The following ATRNL1 variants were observed in gnomAD, a reference collection of about 807,000 sequenced individuals.
ATRNL1 encodes attractin like 1, also known as attractin-like protein 1.
A neutral mutation model predicts 182.7 loss-of-function variants in ATRNL1; 95 were observed. That is an observed-to-expected ratio of 0.52 (90% CI 0.44 to 0.62). ATRNL1 has a LOEUF of 0.62. ATRNL1 is among the 20% of genes least tolerant of loss of function. ATRNL1 has a pLI of 0.00. For missense variants in ATRNL1, 1,471 were observed against 1,679.5 expected, an observed-to-expected ratio of 0.88 and a Z score of 2.17; for synonymous variants, 576 against 568.3, an observed-to-expected ratio of 1.01 and a Z score of -0.19.
At chr10:115,257,306 G>A (rs529572181) in intron 10 of ATRNL1, among the ~76,000 whole-genome samples, 3 of 152,170 alleles carry the variant, frequency 2.0e-5, no homozygotes, top group African/African-American at 7.2e-5. Flanking sequence ...ATCAGTCTGG[G>A]TGCTCCTGTA....
chr10:115,448,952 A>G (rs868930024), intron 21 of ATRNL1, among the ~76,000 whole-genome samples: 1 of 152,208 alleles, frequency 6.6e-6, no homozygotes, highest in South Asian at 2.1e-4. Flanking sequence ...AAGAGCTGGT[A>G]CTATTCCTAC....
chr10:115,543,110 A>AT (rs1221933860), intron 25 of ATRNL1, among the ~76,000 whole-genome samples: 7 of 151,102 alleles, frequency 4.6e-5, no homozygotes, highest in African/African-American at 1.7e-4. Context: ...TCTCTTCTTT[A>AT]TACCAGTTTG....
intron 25 of ATRNL1, among the ~76,000 whole-genome samples, chr10:115,540,772 A>G (rs11596657): frequency 0.011 from 341 of 30,576 alleles, 1 homozygote; most frequent in Middle Eastern, 0.068. Context: ...AAAAAAAAAA[A>G]GGGGGGAGGG....
chr10:115,386,950 A>G (rs1245188786), intron 19 of ATRNL1, among the ~76,000 whole-genome samples: 4 of 151,646 alleles, frequency 2.6e-5, no homozygotes, highest in African/African-American at 4.8e-5. Context: ...TCATGCTGCT[A>G]TAAAGACACA....
chr10:115,428,176 T>A (rs1188505362), intron 21 of ATRNL1, among the ~76,000 whole-genome samples: 2 of 152,092 alleles, frequency 1.3e-5, no homozygotes, highest in Admixed American at 1.3e-4. Flanking sequence ...CTATTGATAA[T>A]GTTAGCTTAA....
chr10:115,373,161 T>A (rs1857484450), intron 19 of ATRNL1, among the ~76,000 whole-genome samples: 1 of 152,088 alleles, frequency 6.6e-6, no homozygotes. Context: ...ATTTTGTTTT[T>A]AGATAGTTCA....
At chr10:115,776,041 G>A (rs1241823312) in intron 27 of ATRNL1, among the ~76,000 whole-genome samples, 2 of 151,996 alleles carry the variant, frequency 1.3e-5, no homozygotes, top group African/African-American at 2.4e-5. Context: ...TTATACAAGA[G>A]GTAACACTGT....
At position 115,169,653 on chromosome 10, in the gene ATRNL1, G is replaced by C. The variant is rs548918276; in HGVS notation, c.1093-1384G>C. ...TCAATTTGTCAGTTTCTACAAAGAA[G>C]CCAGCTGAGATTTTGATAGGGATCA... On this transcript the variant is annotated intron_variant, in intron 7 of 28. Coordinates refer to ENST00000355044, the MANE Select transcript of ATRNL1 (RefSeq NM_207303.4). Among the ~76,000 whole-genome samples the C allele has an allele frequency of 2.0e-5, 3 of 152,212 alleles. No individual in the cohort carries two copies. In the East Asian group the frequency reaches 5.8e-4, roughly 29 times the overall value.
At chr10:115,771,171 G>C (rs541816574) in intron 27 of ATRNL1, among the ~76,000 whole-genome samples, 1 of 151,316 alleles carries the variant, frequency 6.6e-6, no homozygotes, top group Non-Finnish European at 1.5e-5. Flanking sequence ...AGCAACCAGG[G>C]TTAAATGACT....
intron 27 of ATRNL1, among the ~76,000 whole-genome samples, chr10:115,838,278 A>C (rs1555096125): frequency 1.3e-5 from 2 of 152,196 alleles, no homozygotes; most frequent in Non-Finnish European, 2.9e-5. Context: ...ACAAACTTCA[A>C]GGGACGTAAG....
At chr10:115,369,950 G>C (rs1280077798) in intron 19 of ATRNL1, among the ~76,000 whole-genome samples, 1 of 152,228 alleles carries the variant, frequency 6.6e-6, no homozygotes, top group Non-Finnish European at 1.5e-5. Flanking sequence ...TGGAGCTGCT[G>C]TAATTGCCAG....
At chr10:115,411,195 T>A (rs1168380793) in intron 20 of ATRNL1, among the ~76,000 whole-genome samples, 1 of 150,866 alleles carries the variant, frequency 6.6e-6, no homozygotes, top group Non-Finnish European at 1.5e-5. Context: ...TGTATATATT[T>A]AAACATTTGA....
intron 3 of ATRNL1, among the ~76,000 whole-genome samples, chr10:115,125,958 G>C (rs573452224): frequency 1.2e-3 from 181 of 152,192 alleles, no homozygotes; most frequent in African/African-American, 4.1e-3. Flanking sequence ...GATTTCAGTT[G>C]GTCCGAATTT....
At chr10:115,158,397 G>A (rs1554882544) in intron 5 of ATRNL1, among the ~76,000 whole-genome samples, 2 of 151,866 alleles carry the variant, frequency 1.3e-5, no homozygotes, top group African/African-American at 2.4e-5. Context: ...ACATGGCTGT[G>A]TTTTAATAAA....
At chr10:115,373,691 A>T (rs1345360627) in intron 19 of ATRNL1, among the ~76,000 whole-genome samples, 1 of 152,012 alleles carries the variant, frequency 6.6e-6, no homozygotes, top group Non-Finnish European at 1.5e-5. Context: ...CCATTCTTGC[A>T]TCCCTAGGAT....
chr10:115,314,325 A>G (rs781903810), intron 17 of ATRNL1, among the ~76,000 whole-genome samples: 2 of 152,310 alleles, frequency 1.3e-5, no homozygotes, highest in East Asian at 1.9e-4. Context: ...CCAGTATTCT[A>G]TTATCTGTGC....
intron 27 of ATRNL1, among the ~76,000 whole-genome samples, chr10:115,781,255 G>A (rs1242476745): frequency 6.6e-6 from 1 of 152,144 alleles, no homozygotes; most frequent in Non-Finnish European, 1.5e-5. Context: ...TTACTTTCGG[G>A]AATATCCATT....
At chr10:115,653,191 A>G (rs1411826958) in intron 26 of ATRNL1, among the ~76,000 whole-genome samples, 1 of 152,188 alleles carries the variant, frequency 6.6e-6, no homozygotes, top group African/African-American at 2.4e-5. Context: ...TCACTTTTCA[A>G]AAGTGTTATA....
intron 5 of ATRNL1, among the ~76,000 whole-genome samples, chr10:115,145,797 C>T (rs1554879208): frequency 6.6e-6 from 1 of 152,118 alleles, no homozygotes; most frequent in African/African-American, 2.4e-5. Context: ...CCATATCTTC[C>T]ACTTCTTATT....
Sources: gnomAD v4.1 joint callset for allele counts (sites outside exome capture counted in the v4.1 genomes callset) on GRCh38, gnomAD v4.1.1 for gene constraint, MANE v1.5 for transcripts, NCBI Gene and HGNC (gene_info 2026-07-23, HGNC 2026-07-21) for gene names.